EPHX4: variants seen among roughly 807,000 people sequenced by gnomAD.
The protein encoded by EPHX4 is epoxide hydrolase 4.
EPHX4 carries 31 observed loss-of-function variants against 44.9 expected under a neutral mutation model. The ratio of observed to expected loss-of-function variants is 0.69; its 90% CI spans 0.52 to 0.93. The LOEUF (loss-of-function observed/expected upper bound fraction) is 0.93, where lower values mean the gene tolerates loss of function less well. Ranked by LOEUF, EPHX4 falls within the 40% of genes least tolerant of loss-of-function variation. The pLI, the probability that EPHX4 is intolerant of heterozygous loss-of-function variation, is 0.00. For synonymous variants in EPHX4, 151 were observed against 159.7 expected, an observed-to-expected ratio of 0.95 and a Z score of 0.41; for missense variants, 373 against 438.1, an observed-to-expected ratio of 0.85 and a Z score of 1.33.
intron 2 of EPHX4, among the ~76,000 whole-genome samples, chr1:92,039,026 A>G (rs1489732992): frequency 6.6e-6 from 1 of 152,222 alleles, no homozygotes; most frequent in East Asian, 1.9e-4. Flanking sequence ...CAATATTACC[A>G]TACAAGAAGC....
At chr1:92,045,432 A>T (rs997298376) in intron 3 of EPHX4, 100 bp from the exon 4 acceptor site, 2 of 1,427,440 alleles carry the variant, frequency 1.4e-6, no homozygotes, top group African/African-American at 2.9e-5. Flanking sequence ...GGATAAGATA[A>T]TGAAAAGAGG....
intron 1 of EPHX4, 75 bp downstream of exon 1, chr1:92,030,385 C>T (rs1419497922): frequency 1.3e-5 from 17 of 1,321,988 alleles, no homozygotes; most frequent in Non-Finnish European, 1.6e-5. Context: ...CCGGGCTTCT[C>T]CTTCCGAGAC....
chr1:92,036,162 T>C (rs1263861611), intron 2 of EPHX4, among the ~76,000 whole-genome samples: 1 of 152,220 alleles, frequency 6.6e-6, no homozygotes, highest in African/African-American at 2.4e-5. Context: ...GAAAGCTATT[T>C]TCTTTCTCTA....
intron 6 of EPHX4, among the ~76,000 whole-genome samples, chr1:92,059,462 A>G (rs1647443541): frequency 6.6e-6 from 1 of 152,190 alleles, no homozygotes; most frequent in South Asian, 2.1e-4. Flanking sequence ...CTTGACTACT[A>G]TAACTGCTTC....
At chr1:92,060,252 A>T (rs6683065) in intron 6 of EPHX4, among the ~76,000 whole-genome samples, 3,787 of 149,882 alleles carry the variant, frequency 0.025, 162 homozygotes, top group African/African-American at 0.088. Context: ...AGAAAAAAAA[A>T]TTTTTTTTTT....
intron 5 of EPHX4, among the ~76,000 whole-genome samples, chr1:92,052,009 T>C (rs1431822872): frequency 6.6e-6 from 1 of 152,198 alleles, no homozygotes; most frequent in Non-Finnish European, 1.5e-5. Flanking sequence ...GTAATGAATA[T>C]ATATTTGATA....
intron 2 of EPHX4, among the ~76,000 whole-genome samples, chr1:92,041,374 A>G (rs1688505843): frequency 6.6e-6 from 1 of 152,210 alleles, no homozygotes. Context: ...ATCTTTTTTA[A>G]AAAACCTTCA....
At chr1:92,062,909 T>G in intron 6 of EPHX4, 146 bp from the exon 7 acceptor site, 1 of 638,130 alleles carries the variant, frequency 1.6e-6, no homozygotes, top group South Asian at 2.3e-5. Flanking sequence ...GGGTAAGATT[T>G]TTTTCACCCT....
chr1:92,038,222 A>G (rs1404658732), intron 2 of EPHX4, among the ~76,000 whole-genome samples: 1 of 152,236 alleles, frequency 6.6e-6, no homozygotes, highest in Non-Finnish European at 1.5e-5. Context: ...TAAATGTAAA[A>G]TGTTGCAGGA....
chr1:92,049,717 T>G (rs1175951376), intron 4 of EPHX4, among the ~76,000 whole-genome samples: 1 of 152,212 alleles, frequency 6.6e-6, no homozygotes, highest in African/African-American at 2.4e-5. Context: ...GGTAGGTCAC[T>G]GATAATGACC....
chr1:92,031,570 A>T (rs756373827), intron 1 of EPHX4, among the ~76,000 whole-genome samples: 36 of 152,128 alleles, frequency 2.4e-4, no homozygotes, highest in Non-Finnish European at 5.9e-5. Flanking sequence ...CCATTTTATG[A>T]CTCATGTTAC....
chr1:92,053,942 C>A (rs1027313498), intron 6 of EPHX4, among the ~76,000 whole-genome samples: 1 of 151,906 alleles, frequency 6.6e-6, no homozygotes, highest in Non-Finnish European at 1.5e-5. Context: ...GAGTCACTGA[C>A]GTAGAGACAA....
At position 92,049,837 on chromosome 1, in the gene EPHX4, G is replaced by A. The variant is rs141121371; in HGVS notation, c.605-480G>A. On this transcript the variant is annotated intron_variant, in intron 4 of 6. Coordinates refer to ENST00000370383, the MANE Select transcript of EPHX4 (RefSeq NM_173567.5). ...TATAAGACCAGGCGTGGTGGCTCAT[G>A]CCTGTAATCCCAGCACTTTGGGAGG... Among the ~76,000 whole-genome samples, 218 of 152,238 alleles carry A rather than the reference G, an allele frequency of 1.4e-3. 1 individual carries two copies. The highest frequency in any genetic ancestry group is 4.8e-3 in the African/African-American group (199 of 41,540).
At chr1:92,042,738 A>AG in intron 2 of EPHX4, 85 bp from the exon 3 acceptor site, 1 of 1,311,004 alleles carries the variant, frequency 7.6e-7, no homozygotes, top group Non-Finnish European at 1.0e-6. Flanking sequence ...AAAAAAAAAA[A>AG]AAAAAGAAAG....
chr1:92,035,774 C>CCCA (rs1164682586), intron 2 of EPHX4, among the ~76,000 whole-genome samples: 1 of 152,238 alleles, frequency 6.6e-6, no homozygotes, highest in East Asian at 1.9e-4. Context: ...TCTCCCCACC[C>CCCA]CCAACAGGCT....
At position 92,040,550 on chromosome 1, in the gene EPHX4, C is replaced by G. The variant is rs1459126681; in HGVS notation, c.318-2273C>G. ...ATATTGGTCAGGCTGGTCTTGAACT[C>G]ATGACCTCAGGTGATCCACCTGCCT... On this transcript the variant is annotated intron_variant, in intron 2 of 6. Coordinates refer to ENST00000370383, the MANE Select transcript of EPHX4 (RefSeq NM_173567.5). 2.0e-5 allele frequency among the ~76,000 whole-genome samples: 3 copies of G among 152,098 alleles called. No homozygotes were observed. The East Asian group carries it at 5.8e-4, about 29-fold the overall frequency.
At position 92,030,490 on chromosome 1, in the gene EPHX4, G is replaced by GTGTGTGTGTGTGTGTGTGTGTGT. The variant is rs1383490491; in HGVS notation, c.231+180_231+181insTGTGTGTGTGTGTGTGTGTGTGT. 5.1e-3 allele frequency among the ~76,000 whole-genome samples: 652 copies of GTGTGTGTGTGTGTGTGTGTGTGT among 127,684 alleles called. 11 individuals carry two copies. Among genetic ancestry groups the GTGTGTGTGTGTGTGTGTGTGTGT allele is most frequent in the African/African-American group, 7.6e-3 (249 of 32,818 alleles). The allele number at this position is 127,684 out of a possible 152,430, so 83.8% of individuals were successfully genotyped here. ...TGTGTGTGTGTGTGTGTGTGTGAGAGAGAGAGAGAGAGAGAGAGATACAGA... is the reference window on the plus strand; with the variant it reads ...TGTGTGTGTGTGTGTGTGTGTGAGAGTGTGTGTGTGTGTGTGTGTGTGTAGAGAGAGAGAGAGAGAGATACAGA... On this transcript the variant is annotated intron_variant, in intron 1 of 6. Transcript: ENST00000370383.
intron 6 of EPHX4, among the ~76,000 whole-genome samples, chr1:92,053,325 G>A (rs1044015541): frequency 6.6e-6 from 1 of 152,106 alleles, no homozygotes; most frequent in African/African-American, 2.4e-5. Flanking sequence ...CAGAATTAGG[G>A]CTTCTTGGCT....
At chr1:92,038,050 T>C (rs1383109852) in intron 2 of EPHX4, among the ~76,000 whole-genome samples, 1 of 152,226 alleles carries the variant, frequency 6.6e-6, no homozygotes, top group Non-Finnish European at 1.5e-5. Flanking sequence ...TCCTTAGTAA[T>C]TTATTAAAAA....
Sources: gnomAD v4.1 joint callset for allele counts (sites outside exome capture counted in the v4.1 genomes callset) on GRCh38, gnomAD v4.1.1 for gene constraint, MANE v1.5 for transcripts, NCBI Gene and HGNC (gene_info 2026-07-23, HGNC 2026-07-21) for gene names.